The following PDE1C variants were observed in gnomAD, a reference collection of about 807,000 sequenced individuals.
PDE1C encodes the protein dual specificity calcium/calmodulin-dependent 3',5'-cyclic nucleotide phosphodiesterase 1C.
PDE1C carries 62 observed loss-of-function variants against 93.1 expected under a neutral mutation model. The observed-to-expected ratio is 0.67, with a 90% CI of 0.54 to 0.82. PDE1C has a LOEUF of 0.82. PDE1C is among the 40% of genes least tolerant of loss of function. The pLI is 0.00. For synonymous variants in PDE1C, 325 were observed against 310.1 expected, an observed-to-expected ratio of 1.05 and a Z score of -0.50; for missense variants, 742 against 884.6, an observed-to-expected ratio of 0.84 and a Z score of 2.04.
chr7:31,685,353 A>G, the PDE1C span, among the ~76,000 whole-genome samples: 1 of 152,212 alleles, frequency 6.6e-6, no homozygotes, highest in Non-Finnish European at 1.5e-5. Flanking sequence ...TGTAAATATC[A>G]ACATACTGGT....
intron 1 of PDE1C, among the ~76,000 whole-genome samples, chr7:32,240,763 A>G (rs1295940944): frequency 6.6e-6 from 1 of 152,162 alleles, no homozygotes; most frequent in Admixed American, 6.5e-5. Context: ...CATGTTTTTA[A>G]AGGGTCATTC....
intron 1 of PDE1C, among the ~76,000 whole-genome samples, chr7:32,213,480 G>T (rs1006834894): frequency 3.9e-5 from 6 of 152,156 alleles, no homozygotes; most frequent in Non-Finnish European, 8.8e-5. Flanking sequence ...TTCAACAGAT[G>T]CTAGCACTAC....
At chr7:32,268,294 GT>G (rs1810747400) in intron 1 of PDE1C, among the ~76,000 whole-genome samples, 1 of 152,210 alleles carries the variant, frequency 6.6e-6, no homozygotes, top group Non-Finnish European at 1.5e-5. Context: ...TCAGACCTGG[GT>G]TTAACTGCTG....
chr7:31,717,124 G>T, the PDE1C span, among the ~76,000 whole-genome samples: 6 of 152,296 alleles, frequency 3.9e-5, no homozygotes, highest in Non-Finnish European at 7.3e-5. Context: ...TAAGGTCAAT[G>T]ATCTTCAAGT....
Position 31,889,563 on chromosome 7 carries a change from C to T in PDE1C, c.129-8703G>A, listed in dbSNP as rs114441657. 3.5e-3 allele frequency among the ~76,000 whole-genome samples: 534 copies of T among 152,276 alleles called. 3 individuals carry two copies. The highest frequency in any genetic ancestry group is 0.012 in the African/African-American group (513 of 41,554). ...TGAATATTTCCATTCCTTTGGTTTT[C>T]GTGAAGCTATGCCACAGAGGAGCCC... On this transcript the variant is annotated intron_variant, in intron 2 of 17. Coordinates refer to ENST00000396191, the MANE Select transcript of PDE1C (RefSeq NM_001191057.4).
chr7:31,996,643 C>A (rs759214161), intron 2 of PDE1C, among the ~76,000 whole-genome samples: 3 of 152,152 alleles, frequency 2.0e-5, no homozygotes, highest in Non-Finnish European at 4.4e-5. Flanking sequence ...TCTGTACACA[C>A]CTGTGAATGG....
chr7:31,974,211 A>G (rs2192386), intron 2 of PDE1C, among the ~76,000 whole-genome samples: 102,727 of 151,970 alleles, frequency 0.68, 35,300 homozygotes, highest in African/African-American at 0.8. Flanking sequence ...TTTCTCCACA[A>G]ACCAACATCC....
In PDE1C at chr7:31,938,854, G is replaced by A. The variant is rs190804303; in HGVS notation, c.129-57994C>T. 6.6e-5 allele frequency among the ~76,000 whole-genome samples: 10 copies of A among 152,236 alleles called. No homozygotes were observed. In the East Asian group the frequency reaches 1.9e-3, roughly 29 times the overall value. On this transcript the variant is annotated intron_variant, in intron 2 of 17. Transcript: ENST00000396191. ...TTGAATGAATAACTGACACTTGCAT[G>A]TCTCAATGACACAATGGCAAATTGT...
chr7:31,690,816 A>C, the PDE1C span, among the ~76,000 whole-genome samples: 1 of 152,200 alleles, frequency 6.6e-6, no homozygotes, highest in Admixed American at 6.5e-5. Context: ...GTGTTTTACT[A>C]ATGGTATGTC....
the PDE1C span, chr7:31,708,168 T>C: frequency 6.6e-6 from 1 of 152,166 alleles, no homozygotes; most frequent in African/African-American, 2.4e-5. Flanking sequence ...GAGAGTGTGG[T>C]GTTAGCTAGT....
intron 1 of PDE1C, among the ~76,000 whole-genome samples, chr7:32,369,063 G>A (rs1291749748): frequency 6.6e-6 from 1 of 152,104 alleles, no homozygotes; most frequent in Non-Finnish European, 1.5e-5. Flanking sequence ...TAGGGGGAAT[G>A]CTTCAGGATC....
intron 2 of PDE1C, among the ~76,000 whole-genome samples, chr7:31,990,758 C>G (rs1784056453): frequency 6.6e-6 from 1 of 152,148 alleles, no homozygotes; most frequent in Non-Finnish European, 1.5e-5. Flanking sequence ...TACTATGAAA[C>G]TTAATTCAGC....
intron 2 of PDE1C, among the ~76,000 whole-genome samples, chr7:32,035,743 A>T (rs1483831291): frequency 2.0e-5 from 3 of 152,132 alleles, no homozygotes; most frequent in African/African-American, 7.2e-5. Context: ...ATCTCAAGAG[A>T]CCCAGGAGCT....
At chr7:32,241,260 T>C (rs1449318329) in intron 1 of PDE1C, among the ~76,000 whole-genome samples, 1 of 152,108 alleles carries the variant, frequency 6.6e-6, no homozygotes, top group African/African-American at 2.4e-5. Context: ...ACAACATAAA[T>C]GTAGATAGAG....
intron 2 of PDE1C, among the ~76,000 whole-genome samples, chr7:31,882,835 A>G (rs1221557297): frequency 1.3e-5 from 2 of 152,194 alleles, no homozygotes; most frequent in East Asian, 1.9e-4. Context: ...CTATCTACCT[A>G]TAATAGAACT....
chr7:31,624,819 A>G, the PDE1C span, among the ~76,000 whole-genome samples: 1 of 152,312 alleles, frequency 6.6e-6, no homozygotes, highest in Non-Finnish European at 1.5e-5. Context: ...AGAAACTACC[A>G]TCAGAGTGAA....
At chr7:31,781,268 G>T (rs1213271492) in intron 16 of PDE1C, among the ~76,000 whole-genome samples, 1 of 152,198 alleles carries the variant, frequency 6.6e-6, no homozygotes, top group Non-Finnish European at 1.5e-5. Context: ...GCCTATGCCT[G>T]CTGGAGAAAG....
At chr7:32,364,896 G>A (rs2128086175) in intron 1 of PDE1C, among the ~76,000 whole-genome samples, 1 of 152,340 alleles carries the variant, frequency 6.6e-6, no homozygotes. Context: ...CAGCACAGCA[G>A]GAAAATTAAT....
chr7:32,327,225 A>G (rs1783420657), intron 1 of PDE1C, among the ~76,000 whole-genome samples: 1 of 152,140 alleles, frequency 6.6e-6, no homozygotes, highest in African/African-American at 2.4e-5. Context: ...ATACTCTCTC[A>G]CTTTCTCTGT....
Sources: gnomAD v4.1 joint callset for allele counts (sites outside exome capture counted in the v4.1 genomes callset) on GRCh38, gnomAD v4.1.1 for gene constraint, MANE v1.5 for transcripts, NCBI Gene and HGNC (gene_info 2026-07-23, HGNC 2026-07-21) for gene names.